STMND1: variants seen among roughly 807,000 people sequenced by gnomAD.
STMND1 encodes stathmin domain containing 1, also known as stathmin domain-containing protein 1.
In STMND1, 17 loss-of-function variants were observed where a neutral mutation model predicts 23.0. The observed-to-expected ratio is 0.74, with a 90% CI of 0.51 to 1.11. The LOEUF (loss-of-function observed/expected upper bound fraction) is 1.11. STMND1 is among the 50% of genes least tolerant of loss of function. STMND1 has a pLI of 0.00. For missense variants in STMND1, 305 were observed against 329.1 expected (o/e 0.93, Z 0.57); for synonymous variants, 114 against 119.9 (o/e 0.95, Z 0.32).
chr6:17,106,719 TTAAAA>T, intron 1 of STMND1, among the ~76,000 whole-genome samples: 1 of 152,350 alleles, frequency 6.6e-6, no homozygotes, highest in Admixed American at 6.5e-5. Context: ...AGCAGGATCT[TTAAAA>T]TGAAATGAAC....
chr6:17,128,836 C>T lies in STMND1; in HGVS notation c.412-276C>T, dbSNP rs994755770. 11 of 256,980 alleles carry T rather than the reference C, an allele frequency of 4.3e-5. No individual in the cohort carries two copies. In the Admixed American group the frequency reaches 5.6e-4, roughly 13 times the overall value. 15.9% of individuals were successfully genotyped at this position (256,980 alleles called of 1,614,324 possible). On this transcript the variant is annotated intron_variant, in intron 3 of 4. Coordinates refer to ENST00000536551, the MANE Select transcript of STMND1 (RefSeq NM_001190766.2). ...CAAGCGATCCTCCACCCTCAGCCTCCCAAGTAGCTGGGACTACGGGCACAC... is the reference window on the plus strand; with the variant it reads ...CAAGCGATCCTCCACCCTCAGCCTCTCAAGTAGCTGGGACTACGGGCACAC...
chr6:17,105,117 A>G (rs759900961), intron 1 of STMND1, among the ~76,000 whole-genome samples: 1 of 152,220 alleles, frequency 6.6e-6, no homozygotes, highest in African/African-American at 2.4e-5. Flanking sequence ...ATACAGAAGG[A>G]TGTGCATAGA....
chr6:17,125,022 A>C (rs2113491652), intron 3 of STMND1, among the ~76,000 whole-genome samples: 1 of 151,756 alleles, frequency 6.6e-6, no homozygotes, highest in African/African-American at 2.4e-5. Context: ...TTAAAAAAAA[A>C]AAAAGTTAAA....
chr6:17,104,221 C>T (rs968431287), intron 1 of STMND1, among the ~76,000 whole-genome samples: 2 of 152,120 alleles, frequency 1.3e-5, no homozygotes, highest in African/African-American at 4.8e-5. Context: ...TGGACTAATA[C>T]GTAGAAATAC....
chr6:17,127,053 CT>C (rs1181354604), intron 3 of STMND1, among the ~76,000 whole-genome samples: 64 of 152,368 alleles, frequency 4.2e-4, no homozygotes, highest in African/African-American at 1.4e-3. Flanking sequence ...GCTTTCGCCC[CT>C]TTCCGCTTTG....
At chr6:17,114,265 CTT>C (rs529561200) in intron 1 of STMND1, among the ~76,000 whole-genome samples, 63 of 140,120 alleles carry the variant, frequency 4.5e-4, no homozygotes, top group South Asian at 4.6e-4. Flanking sequence ...ATTAGATTCT[CTT>C]TTTTTTTTTT....
chr6:17,108,249 G>A (rs1761052079), intron 1 of STMND1, among the ~76,000 whole-genome samples: 5 of 152,164 alleles, frequency 3.3e-5, no homozygotes, highest in Admixed American at 3.3e-4. Context: ...GGTCACTGAG[G>A]TTGTGGTATT....
intron 1 of STMND1, among the ~76,000 whole-genome samples, chr6:17,109,543 A>G (rs147182698): frequency 5.4e-4 from 83 of 152,320 alleles, no homozygotes; most frequent in African/African-American, 1.9e-3. Context: ...TTTTACTGTG[A>G]AAGTACCAAG....
intron 3 of STMND1, among the ~76,000 whole-genome samples, chr6:17,126,836 T>G (rs1761313544): frequency 6.6e-6 from 1 of 152,204 alleles, no homozygotes; most frequent in African/African-American, 2.4e-5. Context: ...TTTAGGAGAC[T>G]TCCTGAGAAT....
At chr6:17,124,807 G>A (rs910860525) in intron 3 of STMND1, among the ~76,000 whole-genome samples, 2 of 151,826 alleles carry the variant, frequency 1.3e-5, no homozygotes, top group African/African-American at 4.8e-5. Flanking sequence ...AGATCACCCT[G>A]GGCAACATGG....
chr6:17,114,016 G>C (rs1031529734), intron 1 of STMND1, among the ~76,000 whole-genome samples: 18 of 152,140 alleles, frequency 1.2e-4, no homozygotes, highest in African/African-American at 3.4e-4. Flanking sequence ...TTGGCACCAG[G>C]GACCAGTTTT....
chr6:17,113,918 T>A (rs143089068), intron 1 of STMND1, among the ~76,000 whole-genome samples: 1 of 152,334 alleles, frequency 6.6e-6, no homozygotes, highest in East Asian at 1.9e-4. Context: ...ACCTGGTAGA[T>A]GCCTATTAGA....
chr6:17,119,411 T>C (rs1028349716), intron 2 of STMND1, among the ~76,000 whole-genome samples: 3 of 152,078 alleles, frequency 2.0e-5, no homozygotes, highest in African/African-American at 4.8e-5. Flanking sequence ...ACCATTGAGA[T>C]TGGAAATTTT....
At chr6:17,126,072 T>TATATATATA (rs1561925825) in intron 3 of STMND1, among the ~76,000 whole-genome samples, 6 of 42,730 alleles carry the variant, frequency 1.4e-4, no homozygotes, top group Non-Finnish European at 2.2e-4. Context: ...ATATATATAT[T>TATATATATA]TTTTTTTTTT....
intron 1 of STMND1, among the ~76,000 whole-genome samples, chr6:17,105,669 G>T (rs1355126210): frequency 6.7e-6 from 1 of 149,862 alleles, no homozygotes; most frequent in Non-Finnish European, 1.5e-5. Context: ...TAAAATACCT[G>T]TAATCCCAGC....
chr6:17,104,850 A>C (rs1257058768), intron 1 of STMND1, among the ~76,000 whole-genome samples: 1 of 152,202 alleles, frequency 6.6e-6, no homozygotes, highest in Non-Finnish European at 1.5e-5. Flanking sequence ...CAAGTTATTT[A>C]ACCTCCCTGT....
intron 1 of STMND1, 76 bp downstream of exon 1, chr6:17,102,414 C>A: frequency 6.6e-7 from 1 of 1,507,936 alleles, no homozygotes; most frequent in Admixed American, 2.0e-5. Flanking sequence ...GATTCCCACG[C>A]TTGGGGGCGA....
chr6:17,107,764 T>G (rs1421175035), intron 1 of STMND1, among the ~76,000 whole-genome samples: 1 of 152,202 alleles, frequency 6.6e-6, no homozygotes, highest in Non-Finnish European at 1.5e-5. Flanking sequence ...GCCCGGCTAA[T>G]TTTTGATATT....
chr6:17,114,971 A>G lies in STMND1; in HGVS notation c.91A>G (p.Ser31Gly), dbSNP rs1761138235. Residue 31 changes from serine (S) to glycine (G), a missense_variant, in exon 2 of 5, where the codon AGT becomes GGT. By Grantham distance (56) the Ser-to-Gly change is moderately conservative. Transcript: ENST00000536551. ...TGTTCCCTTTTCACAGGCTGATGTC[A>G]GTGTGCCTCATACTGGGGAAAATTG... is the stretch of plus-strand genomic sequence containing the variant. ...GWKEEFKADV[S>G]VPHTGENCSP... is the part of the protein sequence containing the mutation. 1 of 1,518,392 alleles carries G rather than the reference A, an allele frequency of 6.6e-7. No individual in the cohort carries two copies. The allele number at this position is 1,518,392 out of a possible 1,614,324, so 94.1% of individuals were successfully genotyped here. A position where few individuals can be genotyped will look rare whatever the true frequency, so the allele number is the denominator to read the frequency against.
Sources: allele counts gnomAD v4.1 joint callset (sites outside exome capture counted in the v4.1 genomes callset), GRCh38; gene constraint gnomAD v4.1.1; transcripts MANE v1.5; gene names NCBI Gene and HGNC (gene_info 2026-07-23, HGNC 2026-07-21).